CPNE4: variants seen among roughly 807,000 people sequenced by gnomAD.
The protein encoded by CPNE4 is copine 4.
A neutral mutation model predicts 67.9 loss-of-function variants in CPNE4; 25 were observed. The ratio of observed to expected loss-of-function variants is 0.37; its 90% CI spans 0.27 to 0.51. CPNE4 has a LOEUF of 0.51. CPNE4 is among the 20% of genes least tolerant of loss of function. The pLI is 0.93. For missense variants in CPNE4, 464 were observed against 690.8 expected (o/e 0.67, Z 3.68); for synonymous variants, 242 against 244.9 (o/e 0.99, Z 0.11).
chr3:131,825,216 G>C (rs1330055656), intron 2 of CPNE4, among the ~76,000 whole-genome samples: 1 of 152,096 alleles, frequency 6.6e-6, no homozygotes, highest in African/African-American at 2.4e-5. Context: ...GGTAATTTCT[G>C]GCCGGGCGCA....
intron 10 of CPNE4, among the ~76,000 whole-genome samples, chr3:131,573,022 G>C (rs572657288): frequency 6.0e-4 from 92 of 152,174 alleles, no homozygotes; most frequent in Middle Eastern, 3.4e-3. Context: ...TGCACCACTT[G>C]AGCAATAAAA....
rs1553813424 is a variant in CPNE4, at chr3:131,953,252, A to AT, written c.-1-47809_-1-47808insA. 4.4e-3 allele frequency among the ~76,000 whole-genome samples: 631 copies of AT among 144,040 alleles called. 12 individuals are homozygous for AT. Among genetic ancestry groups the AT allele is most frequent in the Non-Finnish European group, 5.3e-3 (347 of 65,110 alleles). 94.5% of individuals were successfully genotyped at this position (144,040 alleles called of 152,430 possible). A position where few individuals can be genotyped will look rare whatever the true frequency, so the allele number is the denominator to read the frequency against. The stretch of plus-strand genomic sequence containing the variant: ...AGAATGATCAATTAAAAAAAAAAAA[A>AT]AAAAAAAAAAAAAAGAATGGTGAAA... On this transcript the variant is annotated intron_variant, in intron 1 of 15. Transcript: ENST00000429747.
intron 2 of CPNE4, among the ~76,000 whole-genome samples, chr3:131,843,049 G>C (rs538134664): frequency 6.6e-5 from 10 of 152,260 alleles, no homozygotes; most frequent in African/African-American, 2.4e-4. Context: ...CTGCCTTTAT[G>C]ATTAAAGGCA....
chr3:132,023,572 C>T lies in CPNE4; in HGVS notation c.-2+10995G>A, dbSNP rs886884659. On this transcript the variant is annotated intron_variant, in intron 1 of 15. Coordinates refer to ENST00000429747, the MANE Select transcript of CPNE4 (RefSeq NM_130808.3). Reference sequence around the variant, plus strand: ...GCGGGATCTCGGCTCACTGCAAGCTCCGCCTCCCGGGTTCACGCCATTCTC... The same window carrying T: ...GCGGGATCTCGGCTCACTGCAAGCTTCGCCTCCCGGGTTCACGCCATTCTC... Among the ~76,000 whole-genome samples the T allele has an allele frequency of 4.1e-5, 6 of 147,506 alleles. No homozygotes were observed. In the East Asian group the frequency reaches 1.2e-3, roughly 30 times the overall value.
chr3:131,970,514 C>G (rs2072473822), intron 1 of CPNE4, among the ~76,000 whole-genome samples: 1 of 152,038 alleles, frequency 6.6e-6, no homozygotes, highest in African/African-American at 2.4e-5. Flanking sequence ...GAGTTTGTTT[C>G]CTTGATGGGG....
rs149577222 is a variant in CPNE4, at chr3:131,686,983, T to A, written c.508-1025A>T. 3.9e-5 allele frequency among the ~76,000 whole-genome samples: 6 copies of A among 152,328 alleles called. No homozygotes were observed. The East Asian group carries it at 1.2e-3, about 29-fold the overall frequency. Reference sequence around the variant, plus strand: ...TTTCTTAGTAGCTATTTTTTTAAACTAGGCTTCCCAGACTTTCTATCCACA... The same window carrying A: ...TTTCTTAGTAGCTATTTTTTTAAACAAGGCTTCCCAGACTTTCTATCCACA... On this transcript the variant is annotated intron_variant, in intron 5 of 15. Coordinates refer to ENST00000429747, the MANE Select transcript of CPNE4 (RefSeq NM_130808.3).
intron 11 of CPNE4, among the ~76,000 whole-genome samples, chr3:131,556,843 G>A (rs1936484472): frequency 6.6e-6 from 1 of 152,044 alleles, no homozygotes; most frequent in African/African-American, 2.4e-5. Flanking sequence ...GGATGGGGAA[G>A]AGAATAATTA....
At chr3:131,762,112 A>G (rs1035528666) in intron 2 of CPNE4, among the ~76,000 whole-genome samples, 2 of 151,962 alleles carry the variant, frequency 1.3e-5, no homozygotes, top group African/African-American at 4.8e-5. Context: ...TTTAAGATAC[A>G]TGACTCCTGC....
At chr3:131,917,067 T>A (rs908655337) in intron 1 of CPNE4, among the ~76,000 whole-genome samples, 1 of 152,106 alleles carries the variant, frequency 6.6e-6, no homozygotes, top group African/African-American at 2.4e-5. Context: ...GGAGACAGGA[T>A]GAGAATGAAT....
At chr3:131,834,713 AAAG>A (rs1188284692) in intron 2 of CPNE4, among the ~76,000 whole-genome samples, 1 of 152,116 alleles carries the variant, frequency 6.6e-6, no homozygotes, top group Non-Finnish European at 1.5e-5. Flanking sequence ...TAGGAGGTAA[AAAG>A]AAGAAATCAC....
chr3:131,830,169 C>G (rs1041401939), intron 2 of CPNE4, among the ~76,000 whole-genome samples: 4 of 152,156 alleles, frequency 2.6e-5, no homozygotes, highest in African/African-American at 9.7e-5. Flanking sequence ...CTCCAATGCT[C>G]CATCCTGCAC....
intron 1 of CPNE4, among the ~76,000 whole-genome samples, chr3:131,966,514 A>G (rs1372856134): frequency 6.6e-6 from 1 of 152,146 alleles, no homozygotes; most frequent in East Asian, 1.9e-4. Flanking sequence ...AATCAAATAG[A>G]CACAATAAAA....
intron 2 of CPNE4, among the ~76,000 whole-genome samples, chr3:131,866,114 C>A (rs748459169): frequency 6.6e-6 from 1 of 152,210 alleles, no homozygotes; most frequent in Non-Finnish European, 1.5e-5. Context: ...CTGCCGAAGA[C>A]TAAGGCAACA....
intron 5 of CPNE4, among the ~76,000 whole-genome samples, chr3:131,689,580 C>G (rs1348572865): frequency 6.6e-6 from 1 of 151,540 alleles, no homozygotes; most frequent in Admixed American, 6.6e-5. Flanking sequence ...TATGCTTATG[C>G]CATCTATGAC....
chr3:132,026,603 A>C (rs910930250), intron 1 of CPNE4, among the ~76,000 whole-genome samples: 1 of 152,172 alleles, frequency 6.6e-6, no homozygotes, highest in Admixed American at 6.5e-5. Context: ...AACCCACAGA[A>C]TATACACTTC....
intron 3 of CPNE4, among the ~76,000 whole-genome samples, chr3:131,715,616 G>A (rs565135865): frequency 2.2e-4 from 34 of 152,298 alleles, no homozygotes; most frequent in African/African-American, 7.9e-4. Flanking sequence ...TAAATGAAGT[G>A]CAGTATAGCA....
At chr3:131,862,246 T>C (rs1282912076) in intron 2 of CPNE4, among the ~76,000 whole-genome samples, 1 of 152,186 alleles carries the variant, frequency 6.6e-6, no homozygotes. Flanking sequence ...ATCCTGACTC[T>C]TGAGAGTACC....
At chr3:131,896,331 T>TGC (rs2088330843) in intron 2 of CPNE4, among the ~76,000 whole-genome samples, 1 of 152,054 alleles carries the variant, frequency 6.6e-6, no homozygotes, top group Admixed American at 6.6e-5. Context: ...TTCACTCCGA[T>TGC]TACTATCATA....
At chr3:131,669,539 A>C (rs2080352338) in intron 7 of CPNE4, 136 bp downstream of exon 7, 1 of 626,664 alleles carries the variant, frequency 1.6e-6, no homozygotes. Flanking sequence ...TGTTTCTTCC[A>C]TCGAGATGCT....
Sources: allele counts gnomAD v4.1 joint callset (sites outside exome capture counted in the v4.1 genomes callset), GRCh38; gene constraint gnomAD v4.1.1; transcripts MANE v1.5; gene names NCBI Gene and HGNC (gene_info 2026-07-23, HGNC 2026-07-21).